The following ELP5 variants were observed in gnomAD, a reference collection of about 807,000 sequenced individuals.
ELP5 encodes elongator complex protein 5.
In ELP5, 34 loss-of-function variants were observed where a neutral mutation model predicts 33.4. That is an observed-to-expected ratio of 1.02 (90% CI 0.78 to 1.36). The LOEUF (loss-of-function observed/expected upper bound fraction) is 1.36. ELP5 is among the 40% of genes most tolerant of loss of function. ELP5 has a pLI of 0.00. For synonymous variants in ELP5, 161 were observed against 146.4 expected, an observed-to-expected ratio of 1.10 and a Z score of -0.72; for missense variants, 373 against 371.7, an observed-to-expected ratio of 1.00 and a Z score of -0.03.
chr17:7,255,629 G>A (rs1452945004), intron 4 of ELP5, among the ~76,000 whole-genome samples: 2 of 152,130 alleles, frequency 1.3e-5, no homozygotes, highest in Admixed American at 6.5e-5. Flanking sequence ...GTGGGTACTC[G>A]AATGGACTTA....
rs1313046106 is a variant in ELP5, at chr17:7,252,239, G to C, written c.-312G>C. On this transcript the variant is annotated 5_prime_UTR_variant, in exon 1 of 8. Transcript: ENST00000396628. ...CACTTGGCCCGCGCTTAGGGCCCTC[G>C]CGGGGGGCTTGTGGGTCCTCCTCCC... The C allele has an allele frequency of 2.1e-6, 1 of 468,602 alleles. No individual in the cohort carries two copies. Among genetic ancestry groups the C allele is most frequent in the African/African-American group, 2.0e-5 (1 of 50,182 alleles). 29.0% of individuals were successfully genotyped at this position (468,602 alleles called of 1,614,324 possible).
chr17:7,254,468 A>G (rs1351858066), intron 3 of ELP5, 115 bp from the exon 4 acceptor site: 1 of 716,736 alleles, frequency 1.4e-6, no homozygotes, highest in Non-Finnish European at 2.3e-6. Context: ...TCTTTCACTA[A>G]TATTTAGGAT....
At chr17:7,259,157 C>T (rs994843675) in intron 7 of ELP5, 15 of 1,412,292 alleles carry the variant, frequency 1.1e-5, no homozygotes, top group South Asian at 1.5e-5. Context: ...GTCCCCAGAG[C>T]ACCCTGGGCC....
Position 7,258,016 on chromosome 17 carries a change from C to T in ELP5, c.592-572C>T, listed in dbSNP as rs1368158246. 5.6e-5 allele frequency among the ~76,000 whole-genome samples: 8 copies of T among 144,048 alleles called. No individual in the cohort carries two copies. The East Asian group carries it at 8.7e-4, about 16-fold the overall frequency. The allele number at this position is 144,048 out of a possible 152,430, so 94.5% of individuals were successfully genotyped here. On this transcript the variant is annotated intron_variant, in intron 5 of 7. Coordinates refer to ENST00000396628, the MANE Select transcript of ELP5 (RefSeq NM_203414.3). The stretch of plus-strand genomic sequence containing the variant: ...CTGGGAGGCGGAGGTTGAGGTGAGC[C>T]GAGATCATGCCACTACACTCCAGCC...
At chr17:7,255,421 G>A (rs751680751) in intron 4 of ELP5, among the ~76,000 whole-genome samples, 1 of 151,972 alleles carries the variant, frequency 6.6e-6, no homozygotes. Context: ...CCAGCTACCC[G>A]GGAGGCTGAG....
Position 7,252,974 on chromosome 17 carries a change from GT to G in ELP5, c.168del (p.Phe56LeufsTer36). 6.2e-7 allele frequency: 1 copy of G among 1,614,206 alleles called. No individual in the cohort carries two copies. Among genetic ancestry groups the G allele is most frequent in the Non-Finnish European group, 8.5e-7 (1 of 1,180,036 alleles). ...GTGAGCGAGGAAGAGTTTCGTGAAGGTTTTGACTCTGATATCAACAATCGGT... is the reference window on the plus strand; with the variant it reads ...GTGAGCGAGGAAGAGTTTCGTGAAGGTTTGACTCTGATATCAACAATCGGT... ...CEVSEEEFRE[G>X]FDSDINNRLV... is the part of the protein sequence containing the mutation. On this transcript the variant is annotated frameshift_variant, in exon 3 of 8. Coordinates refer to ENST00000396628, the MANE Select transcript of ELP5 (RefSeq NM_203414.3). LOFTEE classifies it high-confidence loss of function.
chr17:7,255,994 T>G (rs934605692), intron 4 of ELP5, among the ~76,000 whole-genome samples: 10 of 151,442 alleles, frequency 6.6e-5, no homozygotes, highest in East Asian at 1.9e-4. Context: ...AGGCAGAGGT[T>G]GCAGTGAGCT....
intron 1 of ELP5, 85 bp from the exon 2 acceptor site, chr17:7,252,685 C>A: frequency 6.2e-7 from 1 of 1,607,582 alleles, no homozygotes; most frequent in Non-Finnish European, 8.5e-7. Context: ...CCAGGGGTCA[C>A]AGGCTAGGTG....
intron 4 of ELP5, among the ~76,000 whole-genome samples, chr17:7,255,407 A>G (rs2072054736): frequency 6.6e-6 from 1 of 152,024 alleles, no homozygotes; most frequent in Admixed American, 6.6e-5. Flanking sequence ...GGGCACCTCT[A>G]GTCCCAGCTA....
chr17:7,254,750 G>A lies in ELP5; in HGVS notation c.356G>A (p.Cys119Tyr), dbSNP rs1427897097. ...AGCTGGCTGCTACTTCGCCTTCCCT[G>A]CACCACACTCTGCCAGGTCCTGCAT... ...SLSWLLLRLP[C>Y]TTLCQVLHAV... Residue 119 changes from cysteine (C) to tyrosine (Y), a missense_variant, in exon 4 of 8, where the codon TGC becomes TAC. Cys to Tyr is a radical substitution (Grantham distance 194). Coordinates refer to ENST00000396628, the MANE Select transcript of ELP5 (RefSeq NM_203414.3). 6.2e-7 allele frequency: 1 copy of A among 1,613,888 alleles called. No homozygotes were observed. The highest frequency in any genetic ancestry group is 8.5e-7 in the Non-Finnish European group (1 of 1,180,008).
intron 4 of ELP5, among the ~76,000 whole-genome samples, chr17:7,256,242 A>G (rs920742483): frequency 2.6e-5 from 4 of 152,100 alleles, no homozygotes; most frequent in African/African-American, 9.7e-5. Context: ...CCAGCTACTC[A>G]GGAGACTGAG....
intron 4 of ELP5, among the ~76,000 whole-genome samples, chr17:7,256,221 C>T (rs969812409): frequency 9.9e-5 from 15 of 152,130 alleles, no homozygotes; most frequent in African/African-American, 2.9e-4. Flanking sequence ...TGGTGGCACG[C>T]GCCTGTAGTC....
rs200367503 is a variant in ELP5 at position 7,252,832 on chromosome 17, T to A, written c.107+2T>A. ...GCTTGTCAAGAAATCTGCACTGTGG[T>A]GAGTATCCCACAGTGTCTCCCCGGC... On this transcript the variant is annotated splice_donor_variant, in intron 2 of 7. Transcript: ENST00000396628. LOFTEE classifies it high-confidence loss of function. 8.1e-6 allele frequency: 13 copies of A among 1,613,982 alleles called. No individual in the cohort carries two copies. Among genetic ancestry groups the A allele is most frequent in the Admixed American group, 3.3e-5 (2 of 60,012 alleles).
In ELP5 at chr17:7,252,586, G is replaced by T. The variant is rs1361152328; in HGVS notation, c.36G>T (p.Val12=). 1 of 1,612,874 alleles carries T rather than the reference G, an allele frequency of 6.2e-7. No individual in the cohort carries two copies. The highest frequency in any genetic ancestry group is 1.1e-5 in the South Asian group (1 of 90,964). The change falls in exon 1 of 8, where the codon GTG becomes GTT. Residue 12 remains valine (V), a synonymous_variant. Coordinates refer to ENST00000396628, the MANE Select transcript of ELP5 (RefSeq NM_203414.3). ...LDSLLALGGL[V]LLRDSVEWEG... ...CGCTGTTGGCCTTGGGCGGCCTGGT[G>T]CTGCTTCGGGGTGAGAGCCAGAGGC...
Position 7,256,929 on chromosome 17 carries a change from T to A in ELP5, c.482T>A (p.Val161Glu). The change falls in exon 5 of 8, where the codon GTG becomes GAG. Residue 161 changes from valine (V) to glutamate (E), a missense_variant. Val to Glu is a moderately radical substitution (Grantham distance 121). Coordinates refer to ENST00000396628, the MANE Select transcript of ELP5 (RefSeq NM_203414.3). The part of the protein sequence containing the change: ...LHEELHGPGP[V>E]GALSSLAQTE... ...GAAGAGCTTCATGGACCAGGCCCTGTGGGAGCTCTCAGCAGCCTTGCTCAG... is the reference window on the plus strand; with the variant it reads ...GAAGAGCTTCATGGACCAGGCCCTGAGGGAGCTCTCAGCAGCCTTGCTCAG... The A allele has an allele frequency of 4.3e-6, 7 of 1,614,088 alleles. No individual in the cohort carries two copies. Among genetic ancestry groups the A allele is most frequent in the Non-Finnish European group, 5.9e-6 (7 of 1,180,026 alleles).
Position 7,254,673 on chromosome 17 carries a change from C to T in ELP5, c.279C>T (p.Ala93=). ...GGGGGCCGCTGGGAGCCTTGAGAGC[C>T]ATGTGCAAGAGGACAGATCCTGTTC... ...FPGGPLGALR[A]MCKRTDPVPV... is the part of the protein sequence containing the mutation. The change falls in exon 4 of 8, where the codon GCC becomes GCT. Residue 93 remains alanine (A), a synonymous_variant. Transcript: ENST00000396628. 1 of 1,614,132 alleles carries T rather than the reference C, an allele frequency of 6.2e-7. No homozygotes were observed.
At chr17:7,254,146 C>G (rs1184977185) in intron 3 of ELP5, among the ~76,000 whole-genome samples, 1 of 152,208 alleles carries the variant, frequency 6.6e-6, no homozygotes, top group Admixed American at 6.5e-5. Flanking sequence ...TTTCTTTAAG[C>G]TGTTCTACAG....
Position 7,252,754 on chromosome 17 carries a change from G to T in ELP5, c.47-16G>T. Reference sequence around the variant, plus strand: ...CCCAGCGCTCTCATACCCTTTATCCGTCCCTCGCTCTGCAGATTCCGTGGA... The same window carrying T: ...CCCAGCGCTCTCATACCCTTTATCCTTCCCTCGCTCTGCAGATTCCGTGGA... On this transcript the variant is annotated splice_polypyrimidine_tract_variant and intron_variant, in intron 1 of 7. Coordinates refer to ENST00000396628, the MANE Select transcript of ELP5 (RefSeq NM_203414.3). 1.2e-6 allele frequency: 2 copies of T among 1,614,008 alleles called. No homozygotes were observed. The highest frequency in any genetic ancestry group is 1.7e-5 in the Admixed American group (1 of 60,026).
Position 7,253,001 on chromosome 17 carries a change from A to C in ELP5, c.188+3A>C, listed in dbSNP as rs756892036. 1 of 1,614,042 alleles carries C rather than the reference A, an allele frequency of 6.2e-7. No homozygotes were observed. Among genetic ancestry groups the C allele is most frequent in the Non-Finnish European group, 8.5e-7 (1 of 1,179,866 alleles). ...TTTGACTCTGATATCAACAATCGGT[A>C]AGTACCAGTTGGAAGAGATTTGATT... On this transcript the variant is annotated splice_donor_region_variant and intron_variant, in intron 3 of 7. Coordinates refer to ENST00000396628, the MANE Select transcript of ELP5 (RefSeq NM_203414.3).
Sources: gnomAD v4.1 joint callset for allele counts (sites outside exome capture counted in the v4.1 genomes callset) on GRCh38, gnomAD v4.1.1 for gene constraint, MANE v1.5 for transcripts, NCBI Gene and HGNC (gene_info 2026-07-23, HGNC 2026-07-21) for gene names.